VPS39: variants seen among roughly 807,000 people sequenced by gnomAD.
VPS39 encodes the protein vam6/Vps39-like protein.
Under a neutral mutation model 121.0 loss-of-function variants are expected in VPS39, and 70 were observed. The ratio of observed to expected loss-of-function variants is 0.58; its 90% CI spans 0.48 to 0.71. The LOEUF is 0.71. Ranked by LOEUF, VPS39 falls within the 30% of genes least tolerant of loss-of-function variation. The pLI is 0.00. For missense variants in VPS39, 818 were observed against 1,051.5 expected (o/e 0.78, Z 3.07); for synonymous variants, 378 against 398.1 (o/e 0.95, Z 0.60).
At chr15:42,174,064 G>A (rs921126254) in intron 10 of VPS39, among the ~76,000 whole-genome samples, 10 of 151,988 alleles carry the variant, frequency 6.6e-5, no homozygotes, top group African/African-American at 9.7e-5. Context: ...TGGCTAACAC[G>A]GTGAAACCCC....
In VPS39 at chr15:42,191,150, C is replaced by G. The variant is rs759232824; in HGVS notation, c.222G>C (p.Gln74His). The stretch of plus-strand genomic sequence containing the variant: ...CTAACAAGCTGACCAGAATCTTAAA[C>G]TGGGAAACCACATGGATCTGGAAAA... Reference protein sequence around the residue: ...KKIQQIHVVSQFKILVSLLEN... With the variant: ...KKIQQIHVVSHFKILVSLLEN... The change falls in exon 4 of 25, where the codon CAG (glutamine) becomes CAC (histidine). Residue 74 changes from glutamine (Q) to histidine (H), a missense_variant. Gln to His is a conservative substitution (Grantham distance 24). Transcript: ENST00000318006. 2.5e-6 allele frequency: 4 copies of G among 1,614,146 alleles called. No individual in the cohort carries two copies. Among genetic ancestry groups the G allele is most frequent in the Non-Finnish European group, 3.4e-6 (4 of 1,180,004 alleles).
At chr15:42,177,188 AAC>A (rs1491444183) in intron 10 of VPS39, among the ~76,000 whole-genome samples, 19 of 149,490 alleles carry the variant, frequency 1.3e-4, no homozygotes, top group African/African-American at 4.2e-4. Context: ...AAAAAAAAAA[AAC>A]CTCAAAAAAC....
chr15:42,187,661 T>G (rs2049730952), intron 6 of VPS39, 97 bp downstream of exon 6: 3 of 1,076,014 alleles, frequency 2.8e-6, no homozygotes, highest in Non-Finnish European at 4.3e-6. Flanking sequence ...GAGTATTCAT[T>G]TGCGTAGAAT....
At chr15:42,162,554 A>G (rs2049152675) in intron 21 of VPS39, 73 bp from the exon 22 acceptor site, 1 of 1,480,818 alleles carries the variant, frequency 6.8e-7, no homozygotes, top group Non-Finnish European at 9.0e-7. Context: ...GAGCATGCCT[A>G]ACGATTCGAG....
At chr15:42,175,178 C>A (rs1035113819) in intron 10 of VPS39, among the ~76,000 whole-genome samples, 2 of 152,082 alleles carry the variant, frequency 1.3e-5, no homozygotes, top group African/African-American at 4.8e-5. Flanking sequence ...CTTTGGGAGG[C>A]TGAAGCGGGC....
intron 10 of VPS39, among the ~76,000 whole-genome samples, chr15:42,175,424 A>G (rs2049432286): frequency 1.3e-5 from 2 of 151,384 alleles, no homozygotes; most frequent in Non-Finnish European, 2.9e-5. Context: ...AAAAAAAAAA[A>G]GAAAGAAAAA....
At chr15:42,200,006 G>A in intron 1 of VPS39, 45 bp from the exon 2 acceptor site, 1 of 1,530,328 alleles carries the variant, frequency 6.5e-7, no homozygotes, top group Non-Finnish European at 8.7e-7. Context: ...AAAAAAACCA[G>A]CTTTGAGAAA....
At chr15:42,165,927 G>C (rs1439168839) in intron 16 of VPS39, 111 bp from the exon 17 acceptor site, 1 of 1,079,402 alleles carries the variant, frequency 9.3e-7, no homozygotes, top group Non-Finnish European at 1.4e-6. Flanking sequence ...GCAAGGGTAC[G>C]AGAAGGCATC....
intron 1 of VPS39, 26 bp from the exon 2 acceptor site, chr15:42,199,987 C>T (rs2928335): frequency 7.8e-6 from 12 of 1,530,972 alleles, no homozygotes; most frequent in Non-Finnish European, 1.0e-5. Context: ...AAAACAAAAA[C>T]AAAAACAAAA....
At chr15:42,187,385 C>A (rs749087560) in intron 6 of VPS39, 22 bp from the exon 7 acceptor site, 1 of 1,573,772 alleles carries the variant, frequency 6.4e-7, no homozygotes, top group African/African-American at 1.4e-5. Flanking sequence ...GAGCAAGGAT[C>A]TGAATGAAAT....
At chr15:42,175,638 C>T (rs747925523) in intron 10 of VPS39, among the ~76,000 whole-genome samples, 10 of 151,826 alleles carry the variant, frequency 6.6e-5, no homozygotes, top group South Asian at 2.1e-4. Context: ...TTCCTATTAC[C>T]GCCACACTAG....
chr15:42,192,230 T>A (rs2049843754), intron 2 of VPS39: 1 of 869,614 alleles, frequency 1.1e-6, no homozygotes. Context: ...ATCATCATCA[T>A]CAGAGCAGCT....
intron 8 of VPS39, among the ~76,000 whole-genome samples, chr15:42,181,606 G>A (rs1247955944): frequency 6.6e-6 from 1 of 151,766 alleles, no homozygotes; most frequent in Non-Finnish European, 1.5e-5. Flanking sequence ...TTAGTAAAAA[G>A]CAAACCACTA....
At position 42,166,594 on chromosome 15, in the gene VPS39, G is replaced by A. The variant is rs1200277573; in HGVS notation, c.1575C>T (p.His525=). The change falls in exon 15 of 25, where the codon CAC becomes CAT. Residue 525 remains histidine, a synonymous_variant. Coordinates refer to ENST00000318006, the MANE Select transcript of VPS39 (RefSeq NM_015289.5). ...GCTGCAGATACTGCACTGTCCTCTC[G>A]TGGCCTTTCAGAGGGGAGTTGGCTT... ...SKKANSPLKG[H]ERTVQYLQHL... 6.2e-6 allele frequency: 10 copies of A among 1,614,082 alleles called. No homozygotes were observed. Among genetic ancestry groups the A allele is most frequent in the Admixed American group, 1.7e-5 (1 of 60,004 alleles).
intron 2 of VPS39, among the ~76,000 whole-genome samples, chr15:42,194,136 T>C (rs1036173219): frequency 6.6e-6 from 1 of 152,120 alleles, no homozygotes; most frequent in Admixed American, 6.5e-5. Flanking sequence ...CCAAGAACAC[T>C]TTTAAGTGAA....
chr15:42,175,786 G>C (rs2049440452), intron 10 of VPS39, among the ~76,000 whole-genome samples: 1 of 151,886 alleles, frequency 6.6e-6, no homozygotes, highest in African/African-American at 2.4e-5. Flanking sequence ...TCTCCAGTCA[G>C]GACAGGCTCC....
At chr15:42,187,911 G>T in intron 5 of VPS39, 55 bp from the exon 6 acceptor site, 1 of 1,496,228 alleles carries the variant, frequency 6.7e-7, no homozygotes, top group Non-Finnish European at 9.3e-7. Flanking sequence ...CTAACTGAGT[G>T]ATAACTAAAT....
intron 12 of VPS39, among the ~76,000 whole-genome samples, chr15:42,169,110 T>G (rs2049300180): frequency 6.6e-6 from 1 of 152,196 alleles, no homozygotes; most frequent in African/African-American, 2.4e-5. Flanking sequence ...AAAAACATGT[T>G]ATATAAGGAC....
At chr15:42,192,604 T>A (rs1377549290) in intron 2 of VPS39, among the ~76,000 whole-genome samples, 1 of 152,094 alleles carries the variant, frequency 6.6e-6, no homozygotes, top group Non-Finnish European at 1.5e-5. Flanking sequence ...TCTTACTTCT[T>A]CCATGTGTCC....
Sources: allele counts gnomAD v4.1 joint callset (sites outside exome capture counted in the v4.1 genomes callset), GRCh38; gene constraint gnomAD v4.1.1; transcripts MANE v1.5; gene names NCBI Gene and HGNC (gene_info 2026-07-23, HGNC 2026-07-21).